The following MPPED2 variants were observed in gnomAD, a reference collection of about 807,000 sequenced individuals.
MPPED2 encodes metallophosphoesterase MPPED2.
MPPED2 carries 5 observed loss-of-function variants against 33.0 expected under a neutral mutation model. The ratio of observed to expected loss-of-function variants is 0.15; its 90% CI spans 0.08 to 0.32. The LOEUF is 0.32. MPPED2 is among the 10% of genes least tolerant of loss of function. The pLI is 1.00. For synonymous variants in MPPED2, 136 were observed against 141.9 expected, an observed-to-expected ratio of 0.96 and a Z score of 0.29; for missense variants, 275 against 372.1, an observed-to-expected ratio of 0.74 and a Z score of 2.15.
intron 3 of MPPED2, among the ~76,000 whole-genome samples, chr11:30,527,963 A>C (rs2134424874): frequency 6.6e-6 from 1 of 152,320 alleles, no homozygotes; most frequent in East Asian, 1.9e-4. Context: ...ATCTTACTTA[A>C]CTTCACAGCA....
intron 3 of MPPED2, among the ~76,000 whole-genome samples, chr11:30,502,038 G>T (rs900823310): frequency 6.6e-6 from 1 of 152,082 alleles, no homozygotes; most frequent in African/African-American, 2.4e-5. Flanking sequence ...TCTGGGGAAA[G>T]ATTTCATCAT....
At chr11:30,457,130 C>A (rs1340257608) in intron 4 of MPPED2, among the ~76,000 whole-genome samples, 2 of 152,084 alleles carry the variant, frequency 1.3e-5, no homozygotes, top group Admixed American at 1.3e-4. Context: ...AAAAGCTTAT[C>A]AGCATTTATG....
At chr11:30,549,825 T>C (rs933566652) in intron 2 of MPPED2, among the ~76,000 whole-genome samples, 1 of 152,158 alleles carries the variant, frequency 6.6e-6, no homozygotes, top group Non-Finnish European at 1.5e-5. Context: ...GAAGTGAGTG[T>C]ACTTAGCTAA....
intron 4 of MPPED2, among the ~76,000 whole-genome samples, chr11:30,450,057 C>T (rs1435329187): frequency 6.6e-6 from 1 of 152,204 alleles, no homozygotes; most frequent in East Asian, 1.9e-4. Flanking sequence ...TCAATTAAAT[C>T]TGTATGTTTT....
At chr11:30,556,121 A>G (rs1336626205) in intron 2 of MPPED2, among the ~76,000 whole-genome samples, 1 of 152,184 alleles carries the variant, frequency 6.6e-6, no homozygotes, top group African/African-American at 2.4e-5. Flanking sequence ...CAATCCCTGT[A>G]GCCTTTCAGT....
rs1056666934 is a variant in MPPED2, at chr11:30,410,842, G to A, written c.*626C>T. 8.1e-6 allele frequency: 8 copies of A among 985,566 alleles called. No individual in the cohort carries two copies. Among genetic ancestry groups the A allele is most frequent in the Non-Finnish European group, 9.6e-6 (8 of 829,890 alleles). The allele number at this position is 985,566 out of a possible 1,614,324, so 61.1% of individuals were successfully genotyped here. A position where few individuals can be genotyped will look rare whatever the true frequency, so the allele number is the denominator to read the frequency against. ...AATTTAAAAGAAACAAACAAACAAT[G>A]AGACCTTGTATAACCACAATAGGAA... On this transcript the variant is annotated 3_prime_UTR_variant, in exon 7 of 7. Transcript: ENST00000358117.
At chr11:30,582,264 T>C (rs1957202386) in intron 1 of MPPED2, among the ~76,000 whole-genome samples, 1 of 151,888 alleles carries the variant, frequency 6.6e-6, no homozygotes, top group South Asian at 2.1e-4. Flanking sequence ...TAAATACAAA[T>C]GAAAACATCT....
intron 4 of MPPED2, among the ~76,000 whole-genome samples, chr11:30,433,451 G>A (rs1949174313): frequency 6.6e-6 from 1 of 152,168 alleles, no homozygotes; most frequent in South Asian, 2.1e-4. Context: ...TCTCTTTGAG[G>A]TGAATGCTGT....
At chr11:30,552,759 C>T (rs7125669) in intron 2 of MPPED2, among the ~76,000 whole-genome samples, 1 of 151,996 alleles carries the variant, frequency 6.6e-6, no homozygotes, top group African/African-American at 2.4e-5. Context: ...GCTATACCCC[C>T]CAAAGGCTTT....
At chr11:30,461,156 A>G (rs1247371977) in intron 4 of MPPED2, among the ~76,000 whole-genome samples, 2 of 152,198 alleles carry the variant, frequency 1.3e-5, no homozygotes, top group East Asian at 3.9e-4. Flanking sequence ...TGAGGCACCT[A>G]AAATAGTCAA....
intron 4 of MPPED2, among the ~76,000 whole-genome samples, chr11:30,430,610 A>G (rs1018167643): frequency 2.6e-5 from 4 of 152,242 alleles, no homozygotes; most frequent in Non-Finnish European, 5.9e-5. Flanking sequence ...TAATGAAATA[A>G]TCCAAAAGTA....
chr11:30,451,710 C>A, intron 4 of MPPED2: 6 of 973,110 alleles, frequency 6.2e-6, no homozygotes, highest in Non-Finnish European at 6.1e-6. Context: ...ATTAGAGAAA[C>A]TTTTGAAAGA....
chr11:30,554,471 T>G (rs754685542), intron 2 of MPPED2, among the ~76,000 whole-genome samples: 1 of 152,160 alleles, frequency 6.6e-6, no homozygotes, highest in Admixed American at 6.6e-5. Flanking sequence ...ATTAGATGTT[T>G]GCCACTTGCT....
chr11:30,414,403 C>A, intron 5 of MPPED2, 62 bp from the exon 6 acceptor site: 2 of 1,072,170 alleles, frequency 1.9e-6, no homozygotes, highest in Non-Finnish European at 2.9e-6. Context: ...TTCATTTAGA[C>A]TTTCAGGAAG....
intron 3 of MPPED2, among the ~76,000 whole-genome samples, chr11:30,512,926 G>A (rs1403608947): frequency 6.6e-6 from 1 of 152,058 alleles, no homozygotes; most frequent in African/African-American, 2.4e-5. Context: ...GCTTGAATCG[G>A]GGGGCAGAGT....
chr11:30,523,201 C>T (rs569400964), intron 3 of MPPED2, among the ~76,000 whole-genome samples: 18 of 151,936 alleles, frequency 1.2e-4, no homozygotes, highest in Non-Finnish European at 2.1e-4. Context: ...AGACTGGAAG[C>T]GGAAATGACT....
intron 4 of MPPED2, among the ~76,000 whole-genome samples, chr11:30,478,670 C>T (rs150858899): frequency 6.6e-6 from 1 of 152,044 alleles, no homozygotes; most frequent in African/African-American, 2.4e-5. Flanking sequence ...TGAAAAGGCT[C>T]TAAACCAACA....
intron 2 of MPPED2, among the ~76,000 whole-genome samples, chr11:30,555,277 T>C (rs1424052471): frequency 6.6e-6 from 1 of 152,186 alleles, no homozygotes; most frequent in Non-Finnish European, 1.5e-5. Context: ...AATCACAGAT[T>C]TGTGGCACCA....
intron 6 of MPPED2, chr11:30,389,015 A>G: frequency 6.7e-7 from 1 of 1,501,240 alleles, no homozygotes; most frequent in Non-Finnish European, 8.9e-7. Flanking sequence ...CATGACCTAA[A>G]TTATTCAGTT....
Sources: allele counts gnomAD v4.1 joint callset (sites outside exome capture counted in the v4.1 genomes callset), GRCh38; gene constraint gnomAD v4.1.1; transcripts MANE v1.5; gene names NCBI Gene and HGNC (gene_info 2026-07-23, HGNC 2026-07-21).